The following TMC2 variants were observed in gnomAD, a reference collection of about 807,000 sequenced individuals.
TMC2 encodes transmembrane channel-like protein 2.
In TMC2, 102 loss-of-function variants were observed where a neutral mutation model predicts 105.9. The observed-to-expected ratio is 0.96, with a 90% confidence interval of 0.82 to 1.14. The LOEUF is 1.14. Among genes scored for constraint, TMC2 ranks in the 50% most tolerant of loss-of-function variants. TMC2 has a pLI of 0.00. For synonymous variants in TMC2, 402 were observed against 422.8 expected (o/e 0.95, Z 0.60); for missense variants, 1,093 against 1,134.3 (o/e 0.96, Z 0.52).
chr20:2,545,694 GGAAGAAGAAA>G (rs2085918334), intron 2 of TMC2, among the ~76,000 whole-genome samples: 1 of 65,356 alleles, frequency 1.5e-5, no homozygotes, highest in Admixed American at 2.1e-4. Flanking sequence ...GAAAGAAGAA[GGAAGAAGAAA>G]GAAGAAGGAA....
chr20:2,615,108 G>A (rs2086470182), intron 14 of TMC2, among the ~76,000 whole-genome samples: 1 of 151,980 alleles, frequency 6.6e-6, no homozygotes, highest in South Asian at 2.1e-4. Context: ...GATCACTTGA[G>A]GTCAGGAATT....
rs1440784681 is a variant in TMC2 at position 2,598,174 on chromosome 20, G to T, written c.1224+876G>T. Among the ~76,000 whole-genome samples, 4 of 146,356 alleles carry T rather than the reference G, an allele frequency of 2.7e-5. No homozygotes were observed. The East Asian group carries it at 8.2e-4, about 30-fold the overall frequency. On this transcript the variant is annotated intron_variant, in intron 10 of 19. Transcript: ENST00000358864. ...TTATTCATGTAACCAAACACCACCT[G>T]TTCCCCAGAAAGCTAGTGAAATGAA...
intron 7 of TMC2, among the ~76,000 whole-genome samples, chr20:2,591,152 C>T (rs1428433152): frequency 1.3e-5 from 2 of 151,972 alleles, no homozygotes; most frequent in African/African-American, 2.4e-5. Context: ...GAATTATATA[C>T]ACGTATAGAA....
intron 4 of TMC2, among the ~76,000 whole-genome samples, chr20:2,569,512 C>T (rs1270612839): frequency 1.3e-5 from 2 of 152,170 alleles, no homozygotes; most frequent in Non-Finnish European, 1.5e-5. Context: ...CAATTTTTTA[C>T]TTAATGGCCT....
rs1447389054 is a variant in TMC2, at chr20:2,613,275, G to C, written c.1825G>C (p.Val609Leu). 3 of 1,613,900 alleles carry C rather than the reference G, an allele frequency of 1.9e-6. No homozygotes were observed. Among genetic ancestry groups the C allele is most frequent in the Non-Finnish European group, 2.5e-6 (3 of 1,180,006 alleles). Residue 609 changes from valine (V) to leucine (L), a missense_variant, in exon 14 of 20, where the codon GTG becomes CTG. Transcript: ENST00000358864. ...GGGGGACTTCCTACGGGCTTGTTTT[G>C]TGCGGTTCATGAACTACTGCTGGTG... ...LLGDFLRACF[V>L]RFMNYCWCWD...
intron 4 of TMC2, among the ~76,000 whole-genome samples, chr20:2,566,725 T>C (rs2086066883): frequency 6.6e-6 from 1 of 152,216 alleles, no homozygotes; most frequent in Admixed American, 6.5e-5. Context: ...GCAAACTGGC[T>C]AAGAACCTCA....
chr20:2,572,270 G>A lies in TMC2; in HGVS notation c.645+1G>A. ...TGCCTACAAGATGCTGATGGCCAAG[G>A]TGTGTGGGGTGGGGGCAGTGAATCT... On this transcript the variant is annotated splice_donor_variant, in intron 5 of 19. Coordinates refer to ENST00000358864, the MANE Select transcript of TMC2 (RefSeq NM_080751.3). LOFTEE classifies it high-confidence loss of function. 1.2e-6 allele frequency: 2 copies of A among 1,610,880 alleles called. No individual in the cohort carries two copies. Among genetic ancestry groups the A allele is most frequent in the South Asian group, 1.1e-5 (1 of 90,998 alleles).
chr20:2,592,293 T>C lies in TMC2; in HGVS notation c.835-17T>C, dbSNP rs1193471375. The C allele has an allele frequency of 1.3e-6, 2 of 1,557,430 alleles. No homozygotes were observed. The highest frequency in any genetic ancestry group is 1.8e-6 in the Non-Finnish European group (2 of 1,128,830). On this transcript the variant is annotated splice_polypyrimidine_tract_variant and intron_variant, in intron 7 of 19. Coordinates refer to ENST00000358864, the MANE Select transcript of TMC2 (RefSeq NM_080751.3). This position sits in a 1 kb window ranked among gnomAD's most constrained non-coding sequence, Gnocchi z 4.9. ...ATTTCCTCCACTCATACTTGTGTCA[T>C]TGTGTTTCTGCACAAGGTACTGATG... is the stretch of plus-strand genomic sequence containing the variant.
chr20:2,616,932 G>C lies in TMC2; in HGVS notation c.1941-140G>C. Reference sequence around the variant, plus strand: ...TGATGATCGATATTCTGGTTAAATGGGAGGCCCCTTACCTGGGGACTTGCC... The same window carrying C: ...TGATGATCGATATTCTGGTTAAATGCGAGGCCCCTTACCTGGGGACTTGCC... On this transcript the variant is annotated intron_variant, in intron 15 of 19. Coordinates refer to ENST00000358864, the MANE Select transcript of TMC2 (RefSeq NM_080751.3). The surrounding 1 kb of genome is among the most constrained non-coding windows in gnomAD (Gnocchi z 4.8). 1 of 855,194 alleles carries C rather than the reference G, an allele frequency of 1.2e-6. No individual in the cohort carries two copies. The highest frequency in any genetic ancestry group is 1.8e-6 in the Non-Finnish European group (1 of 552,624). The allele number at this position is 855,194 out of a possible 1,614,324, so 53.0% of individuals were successfully genotyped here.
Position 2,558,863 on chromosome 20 carries a change from C to T in TMC2, c.401+89C>T. ...CCTTCCCCCGTGAGGGACTGATGCCCCCCTCCCCGGGGAGAGGCAGCCCGT... is the reference window on the plus strand; with the variant it reads ...CCTTCCCCCGTGAGGGACTGATGCCTCCCTCCCCGGGGAGAGGCAGCCCGT... On this transcript the variant is annotated intron_variant, in intron 3 of 19. Coordinates refer to ENST00000358864, the MANE Select transcript of TMC2 (RefSeq NM_080751.3). The surrounding 1 kb of genome is among the most constrained non-coding windows in gnomAD (Gnocchi z 4.6). The T allele has an allele frequency of 7.4e-7, 1 of 1,349,728 alleles. No individual in the cohort carries two copies. The allele number at this position is 1,349,728 out of a possible 1,614,324, so 83.6% of individuals were successfully genotyped here.
intron 17 of TMC2, among the ~76,000 whole-genome samples, chr20:2,633,804 A>C (rs1169097881): frequency 2.0e-5 from 3 of 152,160 alleles, no homozygotes; most frequent in Non-Finnish European, 4.4e-5. Flanking sequence ...TGCAGAACTC[A>C]CTGTTCTTGC....
intron 2 of TMC2, among the ~76,000 whole-genome samples, chr20:2,540,656 CAAAA>C (rs10657326): frequency 5.5e-5 from 6 of 108,444 alleles, no homozygotes; most frequent in Non-Finnish European, 7.5e-5. Context: ...GAGGGACTCT[CAAAA>C]AAAAAAAAAA....
intron 17 of TMC2, among the ~76,000 whole-genome samples, chr20:2,629,916 AAGAC>A (rs1186040203): frequency 6.6e-6 from 1 of 152,230 alleles, no homozygotes. Context: ...TTCACAGAAA[AAGAC>A]AGAATTTACT....
At chr20:2,588,767 T>C (rs1418811925) in intron 7 of TMC2, among the ~76,000 whole-genome samples, 2 of 150,756 alleles carry the variant, frequency 1.3e-5, no homozygotes, top group Non-Finnish European at 2.9e-5. Context: ...GTATGCCTTA[T>C]GCTCTTTTCA....
chr20:2,540,535 C>T (rs891168127), intron 2 of TMC2, among the ~76,000 whole-genome samples: 3 of 151,648 alleles, frequency 2.0e-5, no homozygotes, highest in Non-Finnish European at 2.9e-5. Flanking sequence ...GTGGTGCATG[C>T]CTGTAGTCCT....
chr20:2,539,481 T>C (rs1389836102), intron 2 of TMC2, among the ~76,000 whole-genome samples: 1 of 152,224 alleles, frequency 6.6e-6, no homozygotes, highest in Non-Finnish European at 1.5e-5. Flanking sequence ...TTGTATTAGC[T>C]GACTGAGGAC....
chr20:2,567,561 T>G (rs776437435), intron 4 of TMC2, among the ~76,000 whole-genome samples: 1 of 152,184 alleles, frequency 6.6e-6, no homozygotes, highest in Non-Finnish European at 1.5e-5. Context: ...ATTTTATTTA[T>G]TTTTATTTTT....
chr20:2,599,818 A>G (rs2086338068), intron 10 of TMC2, among the ~76,000 whole-genome samples: 1 of 152,020 alleles, frequency 6.6e-6, no homozygotes, highest in Admixed American at 6.6e-5. Flanking sequence ...GACCTAGCAA[A>G]GCTCACATTA....
chr20:2,611,886 G>GGGGA (rs746229522), intron 12 of TMC2, among the ~76,000 whole-genome samples: 1 of 87,440 alleles, frequency 1.1e-5, no homozygotes, highest in African/African-American at 4.4e-5. Flanking sequence ...GGGTGGGTGG[G>GGGGA]TGGATGGATG....
Sources: gnomAD v4.1 joint callset for allele counts (sites outside exome capture counted in the v4.1 genomes callset) on GRCh38, gnomAD v4.1.1 for gene constraint, Gnocchi (gnomAD v3.1) non-coding constraint, MANE v1.5 for transcripts, NCBI Gene and HGNC (gene_info 2026-07-23, HGNC 2026-07-21) for gene names.